The following ARHGAP21 variants were observed in gnomAD, a reference collection of about 807,000 sequenced individuals.
The protein encoded by ARHGAP21 is rho GTPase-activating protein 21.
In ARHGAP21, 38 loss-of-function variants were observed where a neutral mutation model predicts 164.6. The observed-to-expected ratio is 0.23, with a 90% CI of 0.18 to 0.30. ARHGAP21 has a LOEUF of 0.30. Among genes scored for constraint, ARHGAP21 ranks in the 10% least tolerant of loss-of-function variants. The pLI, the probability that ARHGAP21 is intolerant of heterozygous loss-of-function variation, is 1.00. For synonymous variants in ARHGAP21, 766 were observed against 857.9 expected (o/e 0.89, Z 1.87); for missense variants, 1,822 against 2,370.7 (o/e 0.77, Z 4.81).
chr10:24,596,361 A>T (rs576795489), intron 17 of ARHGAP21: 68 of 441,650 alleles, frequency 1.5e-4, no homozygotes, highest in African/African-American at 1.3e-3. Context: ...GGAGAGAGTA[A>T]TATCAATTCA....
intron 4 of ARHGAP21, among the ~76,000 whole-genome samples, chr10:24,636,890 A>G (rs1414298587): frequency 6.6e-6 from 1 of 152,168 alleles, no homozygotes; most frequent in Non-Finnish European, 1.5e-5. Flanking sequence ...TTACATTTTT[A>G]TTTGCTTACA....
chr10:24,703,571 T>C (rs1039655460), intron 2 of ARHGAP21, among the ~76,000 whole-genome samples: 6 of 152,146 alleles, frequency 3.9e-5, no homozygotes, highest in Non-Finnish European at 5.9e-5. Flanking sequence ...TATAACACTA[T>C]ACTGCCTCCA....
At chr10:24,603,653 G>A (rs1249256040) in intron 12 of ARHGAP21, among the ~76,000 whole-genome samples, 1 of 152,104 alleles carries the variant, frequency 6.6e-6, no homozygotes, top group Non-Finnish European at 1.5e-5. Flanking sequence ...AATGGTACAA[G>A]CACAGCAATA....
chr10:24,698,822 C>G (rs1200763604), intron 2 of ARHGAP21, among the ~76,000 whole-genome samples: 1 of 152,202 alleles, frequency 6.6e-6, no homozygotes, highest in Non-Finnish European at 1.5e-5. Context: ...TGTTAAATGA[C>G]AGTAATGATG....
At chr10:24,713,889 T>C (rs61582727) in intron 2 of ARHGAP21, among the ~76,000 whole-genome samples, 2,022 of 152,334 alleles carry the variant, frequency 0.013, 37 homozygotes, top group African/African-American at 0.046. Context: ...CAATACCCAA[T>C]TTTATAAGAA....
At chr10:24,610,376 A>C (rs1434007771) in intron 9 of ARHGAP21, among the ~76,000 whole-genome samples, 12 of 150,666 alleles carry the variant, frequency 8.0e-5, no homozygotes, top group Non-Finnish European at 1.5e-4. Flanking sequence ...CTGTCACAAA[A>C]AAAAAAAAAA....
At chr10:24,647,589 T>C (rs1837702137) in intron 4 of ARHGAP21, among the ~76,000 whole-genome samples, 1 of 152,168 alleles carries the variant, frequency 6.6e-6, no homozygotes, top group African/African-American at 2.4e-5. Context: ...TTTTAGAAGC[T>C]TGTGCCAATT....
intron 2 of ARHGAP21, among the ~76,000 whole-genome samples, chr10:24,673,937 G>T (rs1259743396): frequency 6.6e-6 from 1 of 151,420 alleles, no homozygotes; most frequent in Non-Finnish European, 1.5e-5. Context: ...AAGAAAACAG[G>T]GGAAAATCTT....
chr10:24,672,907 T>C lies in ARHGAP21; in HGVS notation c.64-2510A>G, dbSNP rs192133562. Among the ~76,000 whole-genome samples the C allele has an allele frequency of 3.8e-4, 58 of 152,264 alleles. 1 individual carries two copies. In the East Asian group the frequency reaches 0.01, roughly 27 times the overall value. Reference sequence around the variant, plus strand: ...AACAAAAAAAAACAGCATTTCCATATACTAGCAATAAGCAACTGGAAATTT... The same window carrying C: ...AACAAAAAAAAACAGCATTTCCATACACTAGCAATAAGCAACTGGAAATTT... On this transcript the variant is annotated intron_variant, in intron 2 of 25. Transcript: ENST00000396432.
intron 9 of ARHGAP21, among the ~76,000 whole-genome samples, chr10:24,612,223 T>C (rs1284543384): frequency 2.6e-5 from 4 of 152,180 alleles, no homozygotes; most frequent in Admixed American, 1.3e-4. Flanking sequence ...TGCTACGAAG[T>C]AGTATTCCTA....
At chr10:24,633,215 A>C (rs990427999) in intron 6 of ARHGAP21, among the ~76,000 whole-genome samples, 187 bp downstream of exon 6, 3 of 152,180 alleles carry the variant, frequency 2.0e-5, no homozygotes, top group Non-Finnish European at 4.4e-5. Context: ...TGTCAAACCA[A>C]AGCCACCAAC....
chr10:24,677,544 CTT>C (rs1295418630), intron 2 of ARHGAP21, among the ~76,000 whole-genome samples: 1 of 152,180 alleles, frequency 6.6e-6, no homozygotes, highest in African/African-American at 2.4e-5. Context: ...TTGAAACTAA[CTT>C]ATCATAAATC....
intron 4 of ARHGAP21, among the ~76,000 whole-genome samples, chr10:24,641,467 C>T (rs928525622): frequency 2.0e-5 from 3 of 152,142 alleles, no homozygotes; most frequent in Non-Finnish European, 4.4e-5. Flanking sequence ...CATGAGCTCC[C>T]AAACCCAAAT....
At chr10:24,648,650 G>C (rs1837838265) in intron 4 of ARHGAP21, among the ~76,000 whole-genome samples, 1 of 152,010 alleles carries the variant, frequency 6.6e-6, no homozygotes, top group Non-Finnish European at 1.5e-5. Flanking sequence ...CGTGGTGGTA[G>C]GTGCCTATAA....
At chr10:24,710,929 A>T (rs1593370094) in intron 2 of ARHGAP21, among the ~76,000 whole-genome samples, 1 of 151,908 alleles carries the variant, frequency 6.6e-6, no homozygotes, top group East Asian at 1.9e-4. Context: ...CCCCATCTCT[A>T]TTAAAAATAC....
At chr10:24,638,512 C>G (rs1029005573) in intron 4 of ARHGAP21, among the ~76,000 whole-genome samples, 1 of 152,182 alleles carries the variant, frequency 6.6e-6, no homozygotes, top group African/African-American at 2.4e-5. Context: ...GAACTAAAAG[C>G]CTGATCCCGA....
chr10:24,621,514 T>C (rs1006193754), intron 8 of ARHGAP21, 145 bp from the exon 9 acceptor site: 2 of 694,292 alleles, frequency 2.9e-6, no homozygotes, highest in African/African-American at 3.6e-5. Flanking sequence ...AACATAAGGG[T>C]ACTCTACAAA....
chr10:24,710,830 T>C (rs1844711539), intron 2 of ARHGAP21, among the ~76,000 whole-genome samples: 1 of 152,092 alleles, frequency 6.6e-6, no homozygotes, highest in African/African-American at 2.4e-5. Context: ...GTGCGGTGAC[T>C]CCCGCCTTTA....
chr10:24,685,701 C>A (rs1251580891), intron 2 of ARHGAP21, among the ~76,000 whole-genome samples: 4 of 152,056 alleles, frequency 2.6e-5, no homozygotes, highest in African/African-American at 7.2e-5. Flanking sequence ...CATGGTAAAA[C>A]CCCGTCTCTA....
Sources: allele counts gnomAD v4.1 joint callset (sites outside exome capture counted in the v4.1 genomes callset), GRCh38; gene constraint gnomAD v4.1.1; transcripts MANE v1.5; gene names NCBI Gene and HGNC (gene_info 2026-07-23, HGNC 2026-07-21).